The following CLSTN2 variants were observed in gnomAD, a reference collection of about 807,000 sequenced individuals.
CLSTN2 encodes calsyntenin 2, also known as calsyntenin-2.
In CLSTN2, 48 loss-of-function variants were observed where a neutral mutation model predicts 101.2. The ratio of observed to expected loss-of-function variants is 0.47; its 90% CI spans 0.38 to 0.60. CLSTN2 has a LOEUF of 0.60. CLSTN2 is among the 20% of genes least tolerant of loss of function. The pLI, the probability that CLSTN2 is intolerant of heterozygous loss-of-function variation, is 0.00. For synonymous variants in CLSTN2, 481 were observed against 463.6 expected, an observed-to-expected ratio of 1.04 and a Z score of -0.48; for missense variants, 1,160 against 1,238.2, an observed-to-expected ratio of 0.94 and a Z score of 0.95.
intron 16 of CLSTN2, 70 bp from the exon 17 acceptor site, chr3:140,565,983 G>A: frequency 3.1e-6 from 5 of 1,592,142 alleles, no homozygotes; most frequent in Non-Finnish European, 4.3e-6. Context: ...AATGGATGGA[G>A]AGACATAAGC....
chr3:139,948,481 G>GA (rs539346568), intron 1 of CLSTN2, among the ~76,000 whole-genome samples: 1 of 151,104 alleles, frequency 6.6e-6, no homozygotes, highest in African/African-American at 2.4e-5. Context: ...AAAAAGCAAA[G>GA]AAAAAAAAAT....
rs777399684 is a variant in CLSTN2 at position 140,466,598 on chromosome 3, T to C, written c.1223-12T>C. ...GTTCTCTCACTCTTCAAACCTTCTT[T>C]CTGCTTTTCAGAAATGAACCGGCAT... On this transcript the variant is annotated splice_polypyrimidine_tract_variant and intron_variant, in intron 7 of 16. Transcript: ENST00000458420. 1 of 1,614,128 alleles carries C rather than the reference T, an allele frequency of 6.2e-7. No individual in the cohort carries two copies. Among genetic ancestry groups the C allele is most frequent in the East Asian group, 2.2e-5 (1 of 44,878 alleles).
At chr3:140,161,226 C>T (rs983726258) in intron 1 of CLSTN2, among the ~76,000 whole-genome samples, 15 of 152,172 alleles carry the variant, frequency 9.9e-5, no homozygotes, top group Non-Finnish European at 1.6e-4. Flanking sequence ...CATGATTACT[C>T]TTTTGAGACA....
chr3:140,221,536 T>G (rs1378359476), intron 2 of CLSTN2, among the ~76,000 whole-genome samples: 1 of 152,004 alleles, frequency 6.6e-6, no homozygotes, highest in Admixed American at 6.6e-5. Flanking sequence ...AACAACAAAG[T>G]GAAGAGAGCC....
chr3:140,388,920 A>G (rs2088082140), intron 2 of CLSTN2, among the ~76,000 whole-genome samples: 1 of 152,006 alleles, frequency 6.6e-6, no homozygotes, highest in Non-Finnish European at 1.5e-5. Context: ...ATTATATATG[A>G]ATGTTAACTT....
intron 2 of CLSTN2, among the ~76,000 whole-genome samples, chr3:140,237,424 A>G (rs897467715): frequency 8.5e-5 from 13 of 152,272 alleles, no homozygotes; most frequent in African/African-American, 3.1e-4. Flanking sequence ...TCTCATGTGC[A>G]TCTTCTGATC....
At chr3:140,325,413 C>T (rs2087322668) in intron 2 of CLSTN2, among the ~76,000 whole-genome samples, 1 of 152,200 alleles carries the variant, frequency 6.6e-6, no homozygotes, top group South Asian at 2.1e-4. Flanking sequence ...GTTCACCTCA[C>T]CATGGATAGG....
At chr3:140,170,310 C>T (rs2010192530) in intron 1 of CLSTN2, among the ~76,000 whole-genome samples, 1 of 152,106 alleles carries the variant, frequency 6.6e-6, no homozygotes, top group Non-Finnish European at 1.5e-5. Context: ...TATTGGTTTG[C>T]AACCCTGATG....
intron 5 of CLSTN2, among the ~76,000 whole-genome samples, chr3:140,437,970 A>AC (rs2088704922): frequency 1.3e-5 from 2 of 151,666 alleles, no homozygotes; most frequent in South Asian, 4.2e-4. Context: ...AACTTCACTG[A>AC]CCCCCTCAGT....
intron 1 of CLSTN2, among the ~76,000 whole-genome samples, chr3:140,055,646 G>A (rs945333224): frequency 3.9e-5 from 6 of 152,208 alleles, no homozygotes; most frequent in East Asian, 3.8e-4. Context: ...AGTACCTACC[G>A]TGAAGTAGGT....
At chr3:139,938,140 C>CAAA (rs66697366) in intron 1 of CLSTN2, among the ~76,000 whole-genome samples, 3,804 of 94,668 alleles carry the variant, frequency 0.04, 81 homozygotes, top group Non-Finnish European at 0.053. Context: ...ATTCCCATCA[C>CAAA]AAAAAAAAAA....
chr3:139,952,102 C>T (rs945542442), intron 1 of CLSTN2, among the ~76,000 whole-genome samples: 3 of 152,050 alleles, frequency 2.0e-5, no homozygotes, highest in African/African-American at 7.3e-5. Flanking sequence ...GGTATAGCCC[C>T]TTAATAAGTA....
At chr3:140,530,847 C>T (rs1205125264) in intron 8 of CLSTN2, among the ~76,000 whole-genome samples, 1 of 152,184 alleles carries the variant, frequency 6.6e-6, no homozygotes, top group East Asian at 1.9e-4. Context: ...AGGGCCTGAC[C>T]AGAGATTTCC....
rs1935953606 is a variant in CLSTN2 at position 140,563,196 on chromosome 3, C to G, written c.2475C>G (p.His825Gln). 1.9e-6 allele frequency: 3 copies of G among 1,613,824 alleles called. No homozygotes were observed. The highest frequency in any genetic ancestry group is 2.5e-6 in the Non-Finnish European group (3 of 1,179,942). The change falls in exon 15 of 17, where the codon CAC (histidine) becomes CAG (glutamine). Residue 825 changes from histidine to glutamine, a missense_variant. Transcript: ENST00000458420. ...HHPESRSSIQ[H>Q]SSVVPSIATV... The stretch of plus-strand genomic sequence containing the variant: ...CTGAGTCCCGGAGTAGCATCCAGCA[C>G]AGTTCAGGTAGGGTGCCCAAGAGGA...
At chr3:140,448,053 A>AG (rs1933135031) in intron 5 of CLSTN2, among the ~76,000 whole-genome samples, 1 of 152,208 alleles carries the variant, frequency 6.6e-6, no homozygotes, top group Non-Finnish European at 1.5e-5. Flanking sequence ...ACTAAAAAAA[A>AG]GGTTTGGGGA....
At chr3:140,115,617 C>T (rs973893264) in intron 1 of CLSTN2, among the ~76,000 whole-genome samples, 2 of 152,188 alleles carry the variant, frequency 1.3e-5, no homozygotes, top group Non-Finnish European at 2.9e-5. Flanking sequence ...TGATCTCTGC[C>T]CCTCAGCAGG....
At chr3:140,485,197 C>G (rs1203463475) in intron 8 of CLSTN2, among the ~76,000 whole-genome samples, 4 of 152,228 alleles carry the variant, frequency 2.6e-5, no homozygotes, top group Non-Finnish European at 5.9e-5. Flanking sequence ...AGCCACAGGT[C>G]TGTTGGAGTT....
At chr3:140,479,199 G>A (rs1361232737) in intron 8 of CLSTN2, among the ~76,000 whole-genome samples, 2 of 152,142 alleles carry the variant, frequency 1.3e-5, no homozygotes, top group Non-Finnish European at 1.5e-5. Flanking sequence ...TCCAAGAAGG[G>A]CTAGGTAAAC....
chr3:140,549,807 G>A (rs1348441970), intron 10 of CLSTN2, among the ~76,000 whole-genome samples: 2 of 150,498 alleles, frequency 1.3e-5, no homozygotes, highest in African/African-American at 4.9e-5. Flanking sequence ...CTGGTCGAGA[G>A]AATTGAGGCC....
Sources: gnomAD v4.1 joint callset for allele counts (sites outside exome capture counted in the v4.1 genomes callset) on GRCh38, gnomAD v4.1.1 for gene constraint, MANE v1.5 for transcripts, NCBI Gene and HGNC (gene_info 2026-07-23, HGNC 2026-07-21) for gene names.